CATSPERT: variants seen among roughly 807,000 people sequenced by gnomAD.
CATSPERT encodes catsper channel auxiliary subunit tau.
the CATSPERT span, among the ~76,000 whole-genome samples, chr2:201,548,358 C>G: frequency 2.0e-4 from 31 of 152,152 alleles, no homozygotes; most frequent in African/African-American, 7.0e-4. Context: ...GTCTCTTTCT[C>G]TTTTTATGAG....
At chr2:201,526,550 A>G in the CATSPERT span, among the ~76,000 whole-genome samples, 8 of 152,174 alleles carry the variant, frequency 5.3e-5, no homozygotes, top group Admixed American at 5.2e-4. Context: ...CAAATCCAGC[A>G]GCACATCAGA....
chr2:201,608,103 G>C, the CATSPERT span, among the ~76,000 whole-genome samples: 1 of 152,180 alleles, frequency 6.6e-6, no homozygotes, highest in Non-Finnish European at 1.5e-5. Context: ...CCTACTACCT[G>C]CTGGCTGAGC....
chr2:201,585,972 T>G, the CATSPERT span, among the ~76,000 whole-genome samples: 2 of 152,098 alleles, frequency 1.3e-5, no homozygotes, highest in Non-Finnish European at 2.9e-5. Context: ...CTCTTCCTCC[T>G]CCGCCACCCT....
At chr2:201,604,360 G>A in the CATSPERT span, among the ~76,000 whole-genome samples, 1 of 152,046 alleles carries the variant, frequency 6.6e-6, no homozygotes, top group Non-Finnish European at 1.5e-5. Context: ...GGAGCCTCAA[G>A]TTAATGTTTT....
chr2:201,492,832 A>G, the CATSPERT span: 3 of 1,536,538 alleles, frequency 2.0e-6, no homozygotes, highest in Non-Finnish European at 2.6e-6. Context: ...CTCCTTGGTG[A>G]TATGTCCTGA....
the CATSPERT span, among the ~76,000 whole-genome samples, chr2:201,581,856 C>A: frequency 1.3e-5 from 2 of 151,744 alleles, no homozygotes; most frequent in Non-Finnish European, 2.9e-5. Flanking sequence ...GATCTGCCCA[C>A]CTCGGCCTCC....
the CATSPERT span, among the ~76,000 whole-genome samples, chr2:201,581,300 G>A: frequency 6.6e-6 from 1 of 150,952 alleles, no homozygotes; most frequent in South Asian, 2.1e-4. Flanking sequence ...CAGATAGTGG[G>A]GAGGCTGAGG....
chr2:201,558,936 C>A, the CATSPERT span, among the ~76,000 whole-genome samples: 22 of 152,142 alleles, frequency 1.4e-4, no homozygotes. Context: ...TATGGTCCTG[C>A]ACAGCAGGGA....
chr2:201,567,948 A>C, the CATSPERT span, among the ~76,000 whole-genome samples: 1 of 152,118 alleles, frequency 6.6e-6, no homozygotes, highest in East Asian at 1.9e-4. Flanking sequence ...CCCCACTCAA[A>C]ACTGGCAGCT....
chr2:201,558,593 T>C, the CATSPERT span, among the ~76,000 whole-genome samples: 4 of 152,170 alleles, frequency 2.6e-5, no homozygotes, highest in African/African-American at 9.7e-5. Context: ...CCAGCCCCCA[T>C]TGCCACCACA....
chr2:201,501,257 G>T, the CATSPERT span, among the ~76,000 whole-genome samples: 1 of 151,660 alleles, frequency 6.6e-6, no homozygotes, highest in Admixed American at 6.6e-5. Flanking sequence ...AATTAGCTGG[G>T]CATGGTGGTA....
At chr2:201,604,603 A>G in the CATSPERT span, 13 of 1,569,098 alleles carry the variant, frequency 8.3e-6, no homozygotes, top group Non-Finnish European at 1.0e-5. Flanking sequence ...AGGGTTACTC[A>G]TACATACCAC....
At chr2:201,524,562 A>ATAGAAAAATT in the CATSPERT span, among the ~76,000 whole-genome samples, 11 of 152,098 alleles carry the variant, frequency 7.2e-5, no homozygotes, top group African/African-American at 2.4e-4. Flanking sequence ...CAACTACACA[A>ATAGAAAAATT]TCAAGTCTAC....
chr2:201,513,001 C>G, the CATSPERT span, among the ~76,000 whole-genome samples: 5 of 151,058 alleles, frequency 3.3e-5, no homozygotes, highest in Non-Finnish European at 7.4e-5. Flanking sequence ...TTAATGGGTG[C>G]AGCACACCAG....
the CATSPERT span, among the ~76,000 whole-genome samples, chr2:201,488,934 A>G: frequency 6.6e-6 from 1 of 152,204 alleles, no homozygotes; most frequent in Non-Finnish European, 1.5e-5. Flanking sequence ...AATTTATGCT[A>G]TGTTAGTGAG....
the CATSPERT span, among the ~76,000 whole-genome samples, chr2:201,609,060 G>A: frequency 6.6e-6 from 1 of 151,778 alleles, no homozygotes; most frequent in Non-Finnish European, 1.5e-5. Flanking sequence ...TAGACTTAAA[G>A]TAAAAAACAG....
the CATSPERT span, among the ~76,000 whole-genome samples, chr2:201,541,531 TTATATATATATATA>T: frequency 0.31 from 28,387 of 92,198 alleles, 5,027 homozygotes; most frequent in East Asian, 0.51. Flanking sequence ...TCAGATGATT[TTATATATATATATA>T]TATATATATA....
chr2:201,560,496 G>A, the CATSPERT span, among the ~76,000 whole-genome samples: 1 of 149,894 alleles, frequency 6.7e-6, no homozygotes, highest in South Asian at 2.1e-4. Context: ...TAATAATAAT[G>A]AAATGTACAA....
At chr2:201,570,607 T>G in the CATSPERT span, among the ~76,000 whole-genome samples, 1 of 152,176 alleles carries the variant, frequency 6.6e-6, no homozygotes, top group Admixed American at 6.5e-5. Context: ...CTAAGTAACT[T>G]GCCCAAGGTC....
Sources: allele counts gnomAD v4.1 joint callset (sites outside exome capture counted in the v4.1 genomes callset), GRCh38; gene constraint gnomAD v4.1.1; transcripts MANE v1.5; gene names NCBI Gene and HGNC (gene_info 2026-07-23, HGNC 2026-07-21).